The following CDC42 variants were observed in gnomAD, a reference collection of about 807,000 sequenced individuals.
CDC42 encodes cell division control protein 42 homolog.
A neutral mutation model predicts 20.8 loss-of-function variants in CDC42; 1 was observed. That is an observed-to-expected ratio of 0.05 (90% CI 0.02 to 0.23). The LOEUF (loss-of-function observed/expected upper bound fraction) is 0.23. Ranked by LOEUF, CDC42 falls within the 10% of genes least tolerant of loss-of-function variation. The probability of loss-of-function intolerance (pLI) is 1.00; values close to 1 mark genes in which losing one functional copy is unlikely to be tolerated. For missense variants in CDC42, 49 were observed against 227.9 expected (o/e 0.21, Z 5.05); for synonymous variants, 72 against 84.8 (o/e 0.85, Z 0.83).
In CDC42 at chr1:22,054,957, T is replaced by A. The variant is rs1341462256; in HGVS notation, c.-51+2215T>A. On this transcript the variant is annotated intron_variant, in intron 1 of 5. Transcript: ENST00000656825. Reference sequence around the variant, plus strand: ...TTTTTTTTTTTTTTTTTTTTTTTTTTTTTTTTTTTTTTTTGAGAAGGAGTC... The same window carrying A: ...TTTTTTTTTTTTTTTTTTTTTTTTTATTTTTTTTTTTTTTGAGAAGGAGTC... 5.6e-4 allele frequency among the ~76,000 whole-genome samples: 24 copies of A among 43,114 alleles called. 2 individuals are homozygous for A. The highest frequency in any genetic ancestry group is 1.0e-3 in the South Asian group (1 of 1,002). The allele number at this position is 43,114 out of a possible 152,430, so 28.3% of individuals were successfully genotyped here. A position where few individuals can be genotyped will look rare whatever the true frequency, so the allele number is the denominator to read the frequency against.
chr1:22,081,570 A>G (rs1257886952), intron 2 of CDC42, 152 bp from the exon 3 acceptor site: 2 of 587,948 alleles, frequency 3.4e-6, no homozygotes, highest in Non-Finnish European at 6.1e-6. Context: ...TCATGCAAGG[A>G]CTGGTTGGCA....
chr1:22,087,119 A>G (rs1475375243), intron 5 of CDC42, among the ~76,000 whole-genome samples: 2 of 152,156 alleles, frequency 1.3e-5, no homozygotes, highest in Non-Finnish European at 2.9e-5. Context: ...GGTTGTGTTA[A>G]AACAAAAACC....
At chr1:22,076,551 C>G (rs566134505) in intron 1 of CDC42, among the ~76,000 whole-genome samples, 17 of 152,288 alleles carry the variant, frequency 1.1e-4, no homozygotes, top group African/African-American at 2.2e-4. Flanking sequence ...GAGCCTCACT[C>G]TTCTTATCTG....
In CDC42 at chr1:22,086,819, C is replaced by T; in HGVS notation, c.439C>T (p.Arg147Cys). 2 of 1,613,950 alleles carry T rather than the reference C, an allele frequency of 1.2e-6. No individual in the cohort carries two copies. Among genetic ancestry groups the T allele is most frequent in the Non-Finnish European group, 1.7e-6 (2 of 1,179,922 alleles). ...TCCAGAGACTGCTGAAAAGCTGGCC[C>T]GTGACCTGAAGGCTGTCAAGTATGT... The part of the protein sequence containing the change: ...ITPETAEKLA[R>C]DLKAVKYVEC... The change falls in exon 5 of 6, where the codon CGT becomes TGT. Residue 147 changes from arginine (R) to cysteine (C), a missense_variant. By Grantham distance (180) the Arg-to-Cys change is radical. Coordinates refer to ENST00000656825, the MANE Select transcript of CDC42 (RefSeq NM_001791.4).
intron 1 of CDC42, chr1:22,063,961 C>T (rs1645393110): frequency 6.6e-6 from 1 of 152,172 alleles, no homozygotes; most frequent in South Asian, 2.1e-4. Flanking sequence ...CTCTTATGAT[C>T]TTCCTGCCTT....
chr1:22,095,338 C>T lies in CDC42; in HGVS notation c.*3821C>T, dbSNP rs10799733. 0.75 allele frequency among the ~76,000 whole-genome samples: 114,341 copies of T among 151,850 alleles called. 43,160 individuals are homozygous for T. The highest frequency in any genetic ancestry group is 0.88 in the East Asian group (4,513 of 5,156). On this transcript the variant is annotated 3_prime_UTR_variant, in exon 6 of 6. Coordinates refer to ENST00000656825, the MANE Select transcript of CDC42 (RefSeq NM_001791.4). The stretch of plus-strand genomic sequence containing the variant: ...AGGCTGGAGTGCAGTGGTGCAATCT[C>T]GGCTCATTGCAAGCTCCGCCTCCCG...
At chr1:22,087,785 A>T (rs1013332352) in intron 5 of CDC42, among the ~76,000 whole-genome samples, 8 of 152,274 alleles carry the variant, frequency 5.3e-5, no homozygotes, top group African/African-American at 1.9e-4. Context: ...ATTCATTTTT[A>T]TTGTGTTTCT....
chr1:22,091,213 C>T (rs1645712481), intron 5 of CDC42, among the ~76,000 whole-genome samples: 1 of 152,208 alleles, frequency 6.6e-6, no homozygotes, highest in African/African-American at 2.4e-5. Flanking sequence ...CACTGTCTCA[C>T]TCATGAATAT....
At position 22,092,755 on chromosome 1, in the gene CDC42, G is replaced by T. The variant is rs905243484; in HGVS notation, c.*1238G>T. On this transcript the variant is annotated 3_prime_UTR_variant, in exon 6 of 6. Transcript: ENST00000656825. The stretch of plus-strand genomic sequence containing the variant: ...GACTCTTAATGCAGACTCTTCTTAA[G>T]TGTTAATAGGGATTTTTTCAGCTTA... 3 of 152,648 alleles carry T rather than the reference G, an allele frequency of 2.0e-5. No individual in the cohort carries two copies. Among genetic ancestry groups the T allele is most frequent in the Admixed American group, 1.3e-4 (2 of 15,284 alleles). 9.5% of individuals were successfully genotyped at this position (152,648 alleles called of 1,614,324 possible). A position where few individuals can be genotyped will look rare whatever the true frequency, so the allele number is the denominator to read the frequency against.
At chr1:22,054,416 A>G (rs983577389) in intron 1 of CDC42, among the ~76,000 whole-genome samples, 2 of 151,960 alleles carry the variant, frequency 1.3e-5, no homozygotes, top group African/African-American at 4.8e-5. Context: ...GGGTTTCGCC[A>G]TGTTGCCCAG....
chr1:22,070,956 G>T (rs1645483748), intron 1 of CDC42, among the ~76,000 whole-genome samples: 1 of 152,036 alleles, frequency 6.6e-6, no homozygotes, highest in Non-Finnish European at 1.5e-5. Flanking sequence ...TCTGCAGAAG[G>T]TATAAATGGC....
rs964669546 is a variant in CDC42 at position 22,099,147 on chromosome 1, G to A, written c.*7630G>A. Among the ~76,000 whole-genome samples, 1 of 152,214 alleles carries A rather than the reference G, an allele frequency of 6.6e-6. No individual in the cohort carries two copies. Among genetic ancestry groups the A allele is most frequent in the African/African-American group, 2.4e-5 (1 of 41,452 alleles). On this transcript the variant is annotated 3_prime_UTR_variant, in exon 6 of 6. Transcript: ENST00000656825. The stretch of plus-strand genomic sequence containing the variant: ...GGGCCCTGCTTCACCACGGCATAGG[G>A]ACGGGTGCAGTAGGAAGAAAGGTAG...
intron 1 of CDC42, among the ~76,000 whole-genome samples, chr1:22,054,923 T>TATA (rs1557890201): frequency 1.9e-3 from 24 of 12,904 alleles, no homozygotes; most frequent in African/African-American, 2.3e-3. Flanking sequence ...ATATATATAT[T>TATA]TTTTTTTTTT....
rs529604966 is a variant in CDC42, at chr1:22,096,418, A to G, written c.*4901A>G. ...TTTGATAGCTGCTTTCTCTTGAATA[A>G]CTATGTCATCTCTTTCCACTTTGCA... On this transcript the variant is annotated 3_prime_UTR_variant, in exon 6 of 6. Coordinates refer to ENST00000656825, the MANE Select transcript of CDC42 (RefSeq NM_001791.4). 6.6e-6 allele frequency among the ~76,000 whole-genome samples: 1 copy of G among 152,334 alleles called. No homozygotes were observed. The highest frequency in any genetic ancestry group is 1.9e-4 in the East Asian group (1 of 5,192).
intron 1 of CDC42, chr1:22,059,128 A>ATT (rs562685088): frequency 4.9e-5 from 7 of 142,590 alleles, no homozygotes; most frequent in Non-Finnish European, 6.2e-5. Context: ...CCGGGCCTTA[A>ATT]TTTTTTTTTT....
chr1:22,062,409 G>A (rs1040120146), intron 1 of CDC42, among the ~76,000 whole-genome samples: 1 of 152,124 alleles, frequency 6.6e-6, no homozygotes, highest in African/African-American at 2.4e-5. Flanking sequence ...AATTTGTCAC[G>A]TTTGCTGCCT....
In CDC42 at chr1:22,087,859, T is replaced by C. The variant is rs541919219; in HGVS notation, c.486+993T>C. 3.4e-4 allele frequency among the ~76,000 whole-genome samples: 52 copies of C among 152,362 alleles called. No homozygotes were observed. In the South Asian group the frequency reaches 6.6e-3, roughly 19 times the overall value. ...GGTAAATGGCATATATGATTACTTA[T>C]TACATATGCACTAGGTATTTAGTTT... On this transcript the variant is annotated intron_variant, in intron 5 of 5. Transcript: ENST00000656825.
chr1:22,062,505 A>G (rs1645377101), intron 1 of CDC42, among the ~76,000 whole-genome samples: 2 of 152,080 alleles, frequency 1.3e-5, no homozygotes, highest in African/African-American at 4.8e-5. Context: ...ATTCTTGTAG[A>G]CTTACGACCA....
intron 2 of CDC42, among the ~76,000 whole-genome samples, chr1:22,080,869 T>TAA (rs1645599978): frequency 1.3e-5 from 2 of 152,198 alleles, no homozygotes; most frequent in Admixed American, 1.3e-4. Flanking sequence ...ACATGAATTT[T>TAA]ACTCATAAAA....
Sources: gnomAD v4.1 joint callset for allele counts (sites outside exome capture counted in the v4.1 genomes callset) on GRCh38, gnomAD v4.1.1 for gene constraint, MANE v1.5 for transcripts, NCBI Gene and HGNC (gene_info 2026-07-23, HGNC 2026-07-21) for gene names.